Variants in GALNT17 observed in about 807,000 individuals in gnomAD.
GALNT17 encodes polypeptide N-acetylgalactosaminyltransferase 17.
Under a neutral mutation model 63.7 loss-of-function variants are expected in GALNT17, and 29 were observed. The observed-to-expected ratio is 0.46, with a 90% CI of 0.34 to 0.62. The LOEUF (loss-of-function observed/expected upper bound fraction) is 0.62, where lower values mean the gene tolerates loss of function less well. Among genes scored for constraint, GALNT17 ranks in the 20% least tolerant of loss-of-function variants. The pLI is 0.01. For synonymous variants in GALNT17, 305 were observed against 318.3 expected (o/e 0.96, Z 0.45); for missense variants, 603 against 799.6 (o/e 0.75, Z 2.97).
At chr7:71,480,869 A>C (rs2116641584) in intron 5 of GALNT17, among the ~76,000 whole-genome samples, 1 of 152,268 alleles carries the variant, frequency 6.6e-6, no homozygotes, top group East Asian at 1.9e-4. Context: ...GGCTGGTGCC[A>C]ACCCCATGGA....
chr7:71,425,054 T>C (rs1859526), intron 5 of GALNT17, among the ~76,000 whole-genome samples: 111,135 of 151,988 alleles, frequency 0.73, 41,012 homozygotes, highest in African/African-American at 0.78. Context: ...GTCCTCCACT[T>C]TTATTTTTCC....
At chr7:71,167,172 C>A (rs1258414253) in intron 1 of GALNT17, among the ~76,000 whole-genome samples, 1 of 150,696 alleles carries the variant, frequency 6.6e-6, no homozygotes, top group Non-Finnish European at 1.5e-5. Context: ...CAGACATGAA[C>A]CACTGTGCCT....
chr7:71,652,666 G>A (rs1238426939), intron 6 of GALNT17, among the ~76,000 whole-genome samples: 1 of 152,192 alleles, frequency 6.6e-6, no homozygotes, highest in African/African-American at 2.4e-5. Context: ...TGTTATTTAC[G>A]TAATTTATGC....
At chr7:71,489,553 T>C (rs1424700600) in intron 5 of GALNT17, among the ~76,000 whole-genome samples, 1 of 152,198 alleles carries the variant, frequency 6.6e-6, no homozygotes, top group Non-Finnish European at 1.5e-5. Flanking sequence ...TGGAAGGTGT[T>C]AGCTGATGTG....
chr7:71,617,565 C>T (rs539817490), intron 6 of GALNT17, among the ~76,000 whole-genome samples: 2 of 152,106 alleles, frequency 1.3e-5, no homozygotes, highest in South Asian at 4.2e-4. Flanking sequence ...CGTGATCCAC[C>T]TACCTTGGCC....
chr7:71,652,925 C>CTGG (rs1790774453), intron 6 of GALNT17, among the ~76,000 whole-genome samples: 1 of 152,156 alleles, frequency 6.6e-6, no homozygotes, highest in South Asian at 2.1e-4. Flanking sequence ...TATTGCAGGG[C>CTGG]GCCCAGCAAG....
intron 4 of GALNT17, among the ~76,000 whole-genome samples, chr7:71,417,503 T>G (rs1786556706): frequency 6.6e-6 from 1 of 152,148 alleles, no homozygotes; most frequent in Admixed American, 6.5e-5. Flanking sequence ...ATTCCCAAAG[T>G]GTGGCGCCCC....
intron 4 of GALNT17, among the ~76,000 whole-genome samples, chr7:71,420,493 C>A (rs1031505108): frequency 1.3e-5 from 2 of 152,206 alleles, no homozygotes; most frequent in Non-Finnish European, 2.9e-5. Context: ...GCAGAAAAAA[C>A]AAGCGGTGGC....
chr7:71,647,555 T>G (rs1352270379), intron 6 of GALNT17, among the ~76,000 whole-genome samples: 3 of 152,170 alleles, frequency 2.0e-5, no homozygotes, highest in Non-Finnish European at 4.4e-5. Context: ...GCAGGCAGGC[T>G]TTCAGGCAGA....
chr7:71,457,883 T>A (rs7790897), intron 5 of GALNT17, among the ~76,000 whole-genome samples: 183 of 152,320 alleles, frequency 1.2e-3, no homozygotes, highest in African/African-American at 4.2e-3. Flanking sequence ...TTTACCCAGC[T>A]CCTTTTCAAG....
intron 5 of GALNT17, among the ~76,000 whole-genome samples, chr7:71,544,694 C>T (rs1054743693): frequency 1.3e-5 from 2 of 152,230 alleles, no homozygotes; most frequent in East Asian, 3.9e-4. Flanking sequence ...TTTAGCATCG[C>T]AGTTGGCATC....
chr7:71,534,839 C>T (rs1381892584), intron 5 of GALNT17, among the ~76,000 whole-genome samples: 1 of 152,084 alleles, frequency 6.6e-6, no homozygotes, highest in Admixed American at 6.5e-5. Context: ...TGCATCTTAA[C>T]GTATTGACTC....
At chr7:71,240,438 A>G (rs566750180) in intron 1 of GALNT17, among the ~76,000 whole-genome samples, 1 of 152,058 alleles carries the variant, frequency 6.6e-6, no homozygotes, top group South Asian at 2.1e-4. Flanking sequence ...GTCTCCCTCT[A>G]TTTGGAGTCC....
intron 4 of GALNT17, among the ~76,000 whole-genome samples, chr7:71,418,942 A>G (rs1031100186): frequency 2.0e-5 from 3 of 152,148 alleles, no homozygotes; most frequent in African/African-American, 7.2e-5. Context: ...TACTAAAAAT[A>G]CAAATACAGG....
chr7:71,689,716 A>T (rs562113568), intron 9 of GALNT17, among the ~76,000 whole-genome samples: 1 of 152,322 alleles, frequency 6.6e-6, no homozygotes, highest in East Asian at 1.9e-4. Context: ...AGGTGTCTAC[A>T]CTCAACAACA....
intron 2 of GALNT17, among the ~76,000 whole-genome samples, chr7:71,355,353 A>C (rs1792263949): frequency 6.6e-6 from 1 of 152,060 alleles, no homozygotes; most frequent in Admixed American, 6.6e-5. Flanking sequence ...AATGCTTAAA[A>C]CTTCCCACTG....
intron 5 of GALNT17, among the ~76,000 whole-genome samples, chr7:71,565,926 C>T (rs1789336157): frequency 6.7e-6 from 1 of 149,034 alleles, no homozygotes; most frequent in African/African-American, 2.5e-5. Flanking sequence ...TCACTGCAAC[C>T]TCTGCCTCCT....
chr7:71,174,715 A>G (rs1171876528), intron 1 of GALNT17, among the ~76,000 whole-genome samples: 1 of 152,162 alleles, frequency 6.6e-6, no homozygotes, highest in Admixed American at 6.5e-5. Flanking sequence ...TACAAAGTGC[A>G]TTGATCAGTT....
At chr7:71,392,129 C>A (rs1793062944) in intron 3 of GALNT17, among the ~76,000 whole-genome samples, 1 of 152,134 alleles carries the variant, frequency 6.6e-6, no homozygotes, top group South Asian at 2.1e-4. Context: ...ATATTCAAAC[C>A]ATATAGTAGG....
Sources: gnomAD v4.1 joint callset for allele counts (sites outside exome capture counted in the v4.1 genomes callset) on GRCh38, gnomAD v4.1.1 for gene constraint, MANE v1.5 for transcripts, NCBI Gene and HGNC (gene_info 2026-07-23, HGNC 2026-07-21) for gene names.